The following GPC1 variants were observed in gnomAD, a reference collection of about 807,000 sequenced individuals.
GPC1 encodes glypican-1.
Under a neutral mutation model 51.5 loss-of-function variants are expected in GPC1, and 26 were observed. That is an observed-to-expected ratio of 0.50 (90% CI 0.37 to 0.70). The LOEUF (loss-of-function observed/expected upper bound fraction) is 0.70, where lower values mean the gene tolerates loss of function less well. Among genes scored for constraint, GPC1 ranks in the 30% least tolerant of loss-of-function variants. The pLI, the probability that GPC1 is intolerant of heterozygous loss-of-function variation, is 0.00. For missense variants in GPC1, 775 were observed against 800.5 expected (o/e 0.97, Z 0.38); for synonymous variants, 380 against 348.3 (o/e 1.09, Z -1.01).
At chr2:240,454,906 G>A in intron 1 of GPC1, 1 of 212,534 alleles carries the variant, frequency 4.7e-6, no homozygotes, top group Non-Finnish European at 1.1e-5. Context: ...GGGGATGGGG[G>A]CCACTGTCAG....
At chr2:240,462,802 G>A (rs2074228085) in intron 3 of GPC1, among the ~76,000 whole-genome samples, 1 of 152,228 alleles carries the variant, frequency 6.6e-6, no homozygotes, top group African/African-American at 2.4e-5. Flanking sequence ...GGCGGCTCTG[G>A]GCTGGCCCAT....
chr2:240,445,159 C>T (rs984266017), intron 1 of GPC1, among the ~76,000 whole-genome samples: 1 of 152,210 alleles, frequency 6.6e-6, no homozygotes, highest in African/African-American at 2.4e-5. Context: ...TCTTCAGTCT[C>T]CCTCCTGTGG....
chr2:240,459,232 G>A (rs964216434), intron 2 of GPC1, 44 bp downstream of exon 2: 1 of 1,575,226 alleles, frequency 6.3e-7, no homozygotes, highest in East Asian at 2.3e-5. Context: ...GGGTGCCGGT[G>A]CATCGGGGGA....
In GPC1 at chr2:240,467,698, C is replaced by T. The variant is rs80183110; in HGVS notation, c.*1408C>T. ...TTTCATCACCGTCCCGCACAGTGGA[C>T]GGAGGTCCCCGGTTGCTGGTCAGGT... On this transcript the variant is annotated 3_prime_UTR_variant, in exon 9 of 9. Coordinates refer to ENST00000264039, the MANE Select transcript of GPC1 (RefSeq NM_002081.3). 0.039 allele frequency: 5,984 copies of T among 152,378 alleles called. 159 individuals carry two copies. Among genetic ancestry groups the T allele is most frequent in the Non-Finnish European group, 0.06 (4,078 of 68,068 alleles). The allele number at this position is 152,378 out of a possible 1,614,324, so 9.4% of individuals were successfully genotyped here. A position where few individuals can be genotyped will look rare whatever the true frequency, so the allele number is the denominator to read the frequency against.
intron 2 of GPC1, among the ~76,000 whole-genome samples, chr2:240,461,501 G>T (rs1352832120): frequency 6.6e-6 from 1 of 152,112 alleles, no homozygotes; most frequent in Non-Finnish European, 1.5e-5. Context: ...TTTCCCTAAA[G>T]CCCCTGCAGC....
chr2:240,463,886 C>T (rs892195467), intron 4 of GPC1: 4 of 281,728 alleles, frequency 1.4e-5, no homozygotes, highest in Non-Finnish European at 2.0e-5. Context: ...TGCGAACTGG[C>T]GTGCTCACTT....
At position 240,462,517 on chromosome 2, in the gene GPC1, G is replaced by A. The variant is rs368146643; in HGVS notation, c.652G>A (p.Val218Met). 1.6e-5 allele frequency: 25 copies of A among 1,584,532 alleles called. No individual in the cohort carries two copies. Among genetic ancestry groups the A allele is most frequent in the Admixed American group, 8.7e-5 (5 of 57,718 alleles). Residue 218 changes from valine to methionine, a missense_variant, in exon 3 of 9, where the codon GTG (valine) becomes ATG (methionine). Physicochemically the swap from Val to Met is conservative, Grantham distance 21 (BLOSUM62 1). Coordinates refer to ENST00000264039, the MANE Select transcript of GPC1 (RefSeq NM_002081.3). ...GCGCCTGCGGGCCACCCGTGCCTTC[G>A]TGGCTGCTCGCTCCTTTGTGCAGGG... ...ELRLRATRAF[V>M]AARSFVQGLG...
intron 1 of GPC1, among the ~76,000 whole-genome samples, chr2:240,440,337 T>C (rs2074010103): frequency 6.6e-6 from 1 of 152,168 alleles, no homozygotes; most frequent in African/African-American, 2.4e-5. Flanking sequence ...GTTTTACAAA[T>C]GAGTAAACCG....
chr2:240,457,396 C>T (rs967056885), intron 1 of GPC1: 1 of 465,462 alleles, frequency 2.1e-6, no homozygotes, highest in Non-Finnish European at 4.5e-6. Context: ...GTCTCGGGCT[C>T]CTCCCTGAGT....
In GPC1 at chr2:240,466,246, C is replaced by G; in HGVS notation, c.1633C>G (p.Leu545Val). ...GCCCCCGACCTTCCTCCTGCCCCTC[C>G]TCCTCTTCCTGGCCCTTACAGTAGC... ...PQPPTFLLPLLLFLALTVARP... is the reference protein window; with the variant it reads ...PQPPTFLLPLVLFLALTVARP... Residue 545 changes from leucine (L) to valine (V), a missense_variant, in exon 9 of 9, where the codon CTC becomes GTC. Leu to Val is a conservative substitution (Grantham distance 32). Coordinates refer to ENST00000264039, the MANE Select transcript of GPC1 (RefSeq NM_002081.3). 4 of 1,611,390 alleles carry G rather than the reference C, an allele frequency of 2.5e-6. No individual in the cohort carries two copies. Among genetic ancestry groups the G allele is most frequent in the Non-Finnish European group, 3.4e-6 (4 of 1,178,052 alleles).
intron 8 of GPC1, 131 bp downstream of exon 8, chr2:240,465,779 C>T (rs763216230): frequency 3.7e-5 from 29 of 773,996 alleles, no homozygotes; most frequent in East Asian, 1.3e-4. Context: ...AGTCTGAGGA[C>T]GCTGTGCTGC....
intron 1 of GPC1, among the ~76,000 whole-genome samples, chr2:240,445,517 A>AG (rs745316942): frequency 1.2e-4 from 19 of 152,068 alleles, no homozygotes; most frequent in Non-Finnish European, 2.8e-4. Flanking sequence ...AGCTCAGGGG[A>AG]GGGGGCACCA....
intron 1 of GPC1, chr2:240,458,452 C>G (rs1283043402): frequency 5.2e-6 from 1 of 190,782 alleles, no homozygotes; most frequent in African/African-American, 2.3e-5. Flanking sequence ...GTCCAATGAC[C>G]CTTTCATGGG....
In GPC1 at chr2:240,436,063, G is replaced by T. The variant is rs746411797; in HGVS notation, c.145G>T (p.Val49Leu). 1 of 1,326,078 alleles carries T rather than the reference G, an allele frequency of 7.5e-7. No homozygotes were observed. Among genetic ancestry groups the T allele is most frequent in the Non-Finnish European group, 9.7e-7 (1 of 1,036,048 alleles). The allele number at this position is 1,326,078 out of a possible 1,614,324, so 82.1% of individuals were successfully genotyped here. A position where few individuals can be genotyped will look rare whatever the true frequency, so the allele number is the denominator to read the frequency against. Residue 49 changes from valine (V) to leucine (L), a missense_variant, in exon 1 of 9, where the codon GTG becomes TTG. By Grantham distance (32) the Val-to-Leu change is conservative. Coordinates refer to ENST00000264039, the MANE Select transcript of GPC1 (RefSeq NM_002081.3). Reference sequence around the variant, plus strand: ...AGCCAAGGGCTTCAGCCTGAGCGACGTGCCCCAGGCGGAGATCTCGGGTGA... The same window carrying T: ...AGCCAAGGGCTTCAGCCTGAGCGACTTGCCCCAGGCGGAGATCTCGGGTGA... ...YGAKGFSLSD[V>L]PQAEISGEHL...
chr2:240,444,589 G>A (rs1455594226), intron 1 of GPC1, among the ~76,000 whole-genome samples: 2 of 150,722 alleles, frequency 1.3e-5, no homozygotes, highest in East Asian at 3.9e-4. Flanking sequence ...TCCTGGGTGC[G>A]CCATCAGCAG....
At chr2:240,458,757 TG>T (rs2074191797) in intron 1 of GPC1, 3 of 425,292 alleles carry the variant, frequency 7.1e-6, no homozygotes, top group Non-Finnish European at 1.3e-5. Flanking sequence ...GACAGCAGGC[TG>T]GGGGGCAGGA....
intron 2 of GPC1, among the ~76,000 whole-genome samples, chr2:240,459,709 C>T (rs957336319): frequency 2.6e-5 from 4 of 152,096 alleles, no homozygotes; most frequent in African/African-American, 7.2e-5. Context: ...CTGGGGGCCG[C>T]GGGGAGTGAC....
Position 240,459,105 on chromosome 2 carries a change from G to A in GPC1, c.242G>A (p.Ser81Asn), listed in dbSNP as rs750887145. Residue 81 changes from serine to asparagine, a missense_variant, in exon 2 of 9, where the codon AGC becomes AAC. Coordinates refer to ENST00000264039, the MANE Select transcript of GPC1 (RefSeq NM_002081.3). ...ATGGAGGAGAACCTGGCCAACCGCA[G>A]CCATGCCGAGCTGGAGACCGCGCTC... ...SEMEENLANR[S>N]HAELETALRD... The A allele has an allele frequency of 6.2e-7, 1 of 1,612,848 alleles. No individual in the cohort carries two copies. Among genetic ancestry groups the A allele is most frequent in the African/African-American group, 1.3e-5 (1 of 75,052 alleles).
chr2:240,464,494 C>A, intron 4 of GPC1, 122 bp from the exon 5 acceptor site: 1 of 1,335,634 alleles, frequency 7.5e-7, no homozygotes, highest in Non-Finnish European at 1.1e-6. Flanking sequence ...TGGGATCTCC[C>A]ATGCTGACCC....
Sources: gnomAD v4.1 joint callset for allele counts (sites outside exome capture counted in the v4.1 genomes callset) on GRCh38, gnomAD v4.1.1 for gene constraint, MANE v1.5 for transcripts, NCBI Gene and HGNC (gene_info 2026-07-23, HGNC 2026-07-21) for gene names.